Variants in PPFIA1 observed in about 807,000 individuals in gnomAD.
PPFIA1 encodes liprin-alpha-1.
In PPFIA1, 25 loss-of-function variants were observed where a neutral mutation model predicts 149.9. That is an observed-to-expected ratio of 0.17 (90% confidence interval 0.12 to 0.23). PPFIA1 has a LOEUF of 0.23. Among genes scored for constraint, PPFIA1 ranks in the 10% least tolerant of loss-of-function variants. The probability of loss-of-function intolerance (pLI) is 1.00; values close to 1 mark genes in which losing one functional copy is unlikely to be tolerated. For missense variants in PPFIA1, 1,362 were observed against 1,506.5 expected (o/e 0.90, Z 1.59); for synonymous variants, 549 against 552.8 (o/e 0.99, Z 0.10).
intron 2 of PPFIA1, among the ~76,000 whole-genome samples, chr11:70,295,974 T>C (rs1423110649): frequency 1.3e-5 from 2 of 148,928 alleles, no homozygotes; most frequent in Admixed American, 6.6e-5. Flanking sequence ...ATGGGGCGGC[T>C]GGGCAGAGAC....
At chr11:70,279,027 A>G (rs1413072149) in intron 2 of PPFIA1, 5 of 532,882 alleles carry the variant, frequency 9.4e-6, no homozygotes, top group South Asian at 1.8e-5. Context: ...ATCTCCACGA[A>G]TGGCAAGTTG....
intron 2 of PPFIA1, among the ~76,000 whole-genome samples, chr11:70,320,414 G>T (rs1025676280): frequency 2.0e-5 from 3 of 151,668 alleles, no homozygotes; most frequent in African/African-American, 7.3e-5. Flanking sequence ...GTGTTCAGTG[G>T]AGTTAGAACT....
chr11:70,325,000 C>G lies in PPFIA1; in HGVS notation c.520C>G (p.Leu174Val). ...LKSLFEHHKA[L>V]DEKVRERLRV... Reference sequence around the variant, plus strand: ...GTCCTTATTTGAACACCACAAAGCTCTGGATGAAAAGGTGCCATCAGCCAC... The same window carrying G: ...GTCCTTATTTGAACACCACAAAGCTGTGGATGAAAAGGTGCCATCAGCCAC... Residue 174 changes from leucine (L) to valine (V), a missense_variant, in exon 4 of 28, where the codon CTG (leucine) becomes GTG (valine). Coordinates refer to ENST00000253925, the MANE Select transcript of PPFIA1 (RefSeq NM_003626.5). 2.5e-6 allele frequency: 4 copies of G among 1,606,936 alleles called. No homozygotes were observed. The highest frequency in any genetic ancestry group is 3.4e-6 in the Non-Finnish European group (4 of 1,178,026).
Position 70,354,461 on chromosome 11 carries a change from C to A in PPFIA1, c.2315+9C>A. The stretch of plus-strand genomic sequence containing the variant: ...ATCAGGGACATAAGGAAGTAAGGAG[C>A]CTGCAGCAGCCCCATGCAGAGCGCA... On this transcript the variant is annotated intron_variant, in intron 17 of 27. Transcript: ENST00000253925. 1.2e-6 allele frequency: 2 copies of A among 1,609,040 alleles called. No individual in the cohort carries two copies. The highest frequency in any genetic ancestry group is 1.7e-6 in the Non-Finnish European group (2 of 1,178,176).
chr11:70,333,133 G>A lies in PPFIA1; in HGVS notation c.1213-337G>A, dbSNP rs112753051. 6.3e-5 allele frequency: 30 copies of A among 479,446 alleles called. No individual in the cohort carries two copies. In the Middle Eastern group the frequency reaches 1.3e-3, roughly 20 times the overall value. The allele number at this position is 479,446 out of a possible 1,614,324, so 29.7% of individuals were successfully genotyped here. A position where few individuals can be genotyped will look rare whatever the true frequency, so the allele number is the denominator to read the frequency against. The stretch of plus-strand genomic sequence containing the variant: ...GCACTGCTCCTTGCTTGTGCTTGCC[G>A]CTGCTTTCTGCTTTCCATGCTTACT... On this transcript the variant is annotated intron_variant, in intron 9 of 27. Transcript: ENST00000253925.
chr11:70,329,791 A>G (rs1463736952), intron 7 of PPFIA1: 2 of 183,728 alleles, frequency 1.1e-5, no homozygotes, highest in Non-Finnish European at 2.2e-5. Context: ...AGTTGGATAT[A>G]GGAGTGTGCG....
intron 21 of PPFIA1, chr11:70,365,406 A>T (rs1469738155): frequency 2.2e-6 from 1 of 456,570 alleles, no homozygotes; most frequent in Non-Finnish European, 4.4e-6. Context: ...ACACGAAGAG[A>T]TGGAAACGCT....
At chr11:70,322,918 T>A (rs1406855217) in intron 2 of PPFIA1, among the ~76,000 whole-genome samples, 1 of 151,030 alleles carries the variant, frequency 6.6e-6, no homozygotes, top group Non-Finnish European at 1.5e-5. Flanking sequence ...TGTCTTCCAC[T>A]CTCTCTGACC....
intron 2 of PPFIA1, among the ~76,000 whole-genome samples, chr11:70,310,764 G>T (rs1406340767): frequency 6.6e-6 from 1 of 152,134 alleles, no homozygotes; most frequent in Non-Finnish European, 1.5e-5. Context: ...TTTTTGTTAA[G>T]TTCAAGCTGC....
chr11:70,313,423 A>G (rs1028137710), intron 2 of PPFIA1, among the ~76,000 whole-genome samples: 1 of 152,182 alleles, frequency 6.6e-6, no homozygotes. Flanking sequence ...TTTGTTTCGG[A>G]AAACATAGAG....
rs528674035 is a variant in PPFIA1 at position 70,333,838 on chromosome 11, CAG to C, written c.1296+286_1296+287del. On this transcript the variant is annotated intron_variant, in intron 10 of 27. Coordinates refer to ENST00000253925, the MANE Select transcript of PPFIA1 (RefSeq NM_003626.5). ...GCTTCTTGCTTGTCTAGCGGCCTATCAGGGGAACTGTTCTAGGTAGCTGTGGT... is the reference window on the plus strand; with the variant it reads ...GCTTCTTGCTTGTCTAGCGGCCTATCGGGAACTGTTCTAGGTAGCTGTGGT... Among the ~76,000 whole-genome samples, 8 of 152,168 alleles carry C rather than the reference CAG, an allele frequency of 5.3e-5. No homozygotes were observed. In the South Asian group the frequency reaches 1.0e-3, roughly 20 times the overall value.
chr11:70,363,133 T>C (rs1042815012), intron 21 of PPFIA1: 1 of 152,244 alleles, frequency 6.6e-6, no homozygotes, highest in African/African-American at 2.4e-5. Flanking sequence ...AATATACATA[T>C]AGAGAAATGC....
intron 16 of PPFIA1, among the ~76,000 whole-genome samples, chr11:70,349,114 A>G (rs2055890960): frequency 6.9e-6 from 1 of 145,790 alleles, no homozygotes; most frequent in Non-Finnish European, 1.5e-5. Context: ...GTGCCCAACC[A>G]GCTTCCTGGG....
At chr11:70,329,112 A>G (rs757354538) in intron 7 of PPFIA1, among the ~76,000 whole-genome samples, 2 of 152,188 alleles carry the variant, frequency 1.3e-5, no homozygotes, top group African/African-American at 2.4e-5. Flanking sequence ...CTTATCCTAG[A>G]AAGTGAGACT....
intron 3 of PPFIA1, 58 bp downstream of exon 3, chr11:70,324,561 C>A: frequency 2.1e-6 from 3 of 1,410,318 alleles, no homozygotes; most frequent in Non-Finnish European, 3.0e-6. Context: ...GGAGGAGGGG[C>A]GGTGTGTCAA....
chr11:70,326,461 G>A, intron 6 of PPFIA1, 98 bp downstream of exon 6: 1 of 1,299,056 alleles, frequency 7.7e-7, no homozygotes, highest in Non-Finnish European at 1.1e-6. Context: ...CCGGCTTAGA[G>A]CTGAAGTGGT....
chr11:70,372,798 G>A (rs1012755406), intron 23 of PPFIA1, among the ~76,000 whole-genome samples: 3 of 152,236 alleles, frequency 2.0e-5, no homozygotes, highest in African/African-American at 7.2e-5. Context: ...CATCAGTCTG[G>A]AGGTTAAATG....
Position 70,326,304 on chromosome 11 carries a change from A to G in PPFIA1, c.649A>G (p.Thr217Ala). The G allele has an allele frequency of 2.5e-6, 4 of 1,609,724 alleles. No individual in the cohort carries two copies. The highest frequency in any genetic ancestry group is 3.4e-6 in the Non-Finnish European group (4 of 1,177,318). Residue 217 changes from threonine (T) to alanine (A), a missense_variant, in exon 6 of 28, where the codon ACA (threonine) becomes GCA (alanine). Physicochemically the swap from Thr to Ala is moderately conservative, Grantham distance 58. Coordinates refer to ENST00000253925, the MANE Select transcript of PPFIA1 (RefSeq NM_003626.5). ...KEQNNQKKTL[T>A]DGVLDINHEQ... ...ACAGAATAATCAGAAAAAAACTCTA[A>G]CAGATGGAGTGCTGGACATAAACCA...
chr11:70,343,885 G>C lies in PPFIA1; in HGVS notation c.1924G>C (p.Glu642Gln), dbSNP rs752958955. 4 of 1,612,588 alleles carry C rather than the reference G, an allele frequency of 2.5e-6. No individual in the cohort carries two copies. Among genetic ancestry groups the C allele is most frequent in the African/African-American group, 1.3e-5 (1 of 74,924 alleles). Residue 642 changes from glutamate to glutamine, a missense_variant, in exon 15 of 28, where the codon GAG (glutamate) becomes CAG (glutamine). This residue lies in a region of PPFIA1 where 733 missense variants were observed against 744.1 expected (regional missense o/e 0.99). Coordinates refer to ENST00000253925, the MANE Select transcript of PPFIA1 (RefSeq NM_003626.5). ...GGAGCAGCTGGACGCCATCAACAAA[G>C]AGATCAGGTGTGTGCAACCGTGCAT... ...LQEQLDAINK[E>Q]IRLIQEEKEN... is the part of the protein sequence containing the mutation.
Sources: gnomAD v4.1 joint callset for allele counts (sites outside exome capture counted in the v4.1 genomes callset) on GRCh38, gnomAD v4.1.1 for gene constraint, gnomAD v4.1.1 regional missense constraint, MANE v1.5 for transcripts, NCBI Gene and HGNC (gene_info 2026-07-23, HGNC 2026-07-21) for gene names.